The following THSD4 variants were observed in gnomAD, a reference collection of about 807,000 sequenced individuals.
The protein encoded by THSD4 is thrombospondin type 1 domain containing 4.
THSD4 carries 69 observed loss-of-function variants against 119.0 expected under a neutral mutation model. The observed-to-expected ratio is 0.58, with a 90% CI of 0.48 to 0.71. The LOEUF (loss-of-function observed/expected upper bound fraction) is 0.71, where lower values mean the gene tolerates loss of function less well. THSD4 is among the 30% of genes least tolerant of loss of function. The pLI is 0.00. For synonymous variants in THSD4, 524 were observed against 540.4 expected (o/e 0.97, Z 0.42); for missense variants, 1,393 against 1,391.1 (o/e 1.00, Z -0.02).
At chr15:71,552,828 T>C (rs1311960790) in intron 7 of THSD4, among the ~76,000 whole-genome samples, 2 of 152,152 alleles carry the variant, frequency 1.3e-5, no homozygotes, top group African/African-American at 4.8e-5. Flanking sequence ...GTATTTTTAG[T>C]AGAGATGGGG....
chr15:71,385,269 C>A (rs1003920328), intron 6 of THSD4, among the ~76,000 whole-genome samples: 6 of 152,324 alleles, frequency 3.9e-5, no homozygotes, highest in Non-Finnish European at 8.8e-5. Context: ...CCTCCAGTTA[C>A]AAACGAGAGC....
At chr15:71,174,809 T>G (rs529933172) in intron 3 of THSD4, among the ~76,000 whole-genome samples, 1 of 152,114 alleles carries the variant, frequency 6.6e-6, no homozygotes, top group African/African-American at 2.4e-5. Context: ...GCAGACTGCC[T>G]CCTCAAGTGG....
intron 1 of THSD4, among the ~76,000 whole-genome samples, chr15:71,135,805 G>C (rs1220185237): frequency 6.6e-6 from 1 of 151,880 alleles, no homozygotes; most frequent in Non-Finnish European, 1.5e-5. Flanking sequence ...TTATGGGGCA[G>C]CCTCCTCCCA....
intron 6 of THSD4, among the ~76,000 whole-genome samples, chr15:71,375,252 C>T (rs2046117018): frequency 6.6e-6 from 1 of 152,192 alleles, no homozygotes; most frequent in Non-Finnish European, 1.5e-5. Flanking sequence ...CATGTGGACA[C>T]ATATGTGTGC....
intron 6 of THSD4, among the ~76,000 whole-genome samples, chr15:71,293,846 G>A (rs188362277): frequency 1.3e-5 from 2 of 152,190 alleles, no homozygotes; most frequent in East Asian, 3.9e-4. Context: ...TGTTTAACTG[G>A]AAGTGGAAAG....
In THSD4 at chr15:71,489,583, C is replaced by A. The variant is rs142158902; in HGVS notation, c.1152+77760C>A. ...TTTTAGGGCTTTATGAAATCTGCTG[C>A]CTCTAGACTCTCCCCTACTCCGCTT... On this transcript the variant is annotated intron_variant, in intron 7 of 17. Coordinates refer to ENST00000261862, the MANE Select transcript of THSD4 (RefSeq NM_024817.3). Among the ~76,000 whole-genome samples, 280 of 152,220 alleles carry A rather than the reference C, an allele frequency of 1.8e-3. 2 individuals are homozygous for A. Among genetic ancestry groups the A allele is most frequent in the African/African-American group, 6.2e-3 (256 of 41,526 alleles).
chr15:71,378,735 A>G lies in THSD4; in HGVS notation c.1016-32952A>G, dbSNP rs77728959. On this transcript the variant is annotated intron_variant, in intron 6 of 17. Coordinates refer to ENST00000261862, the MANE Select transcript of THSD4 (RefSeq NM_024817.3). ...ATGGTTGAGAGTCACTGCTTAATAA[A>G]CCTAATTCTTTCTTCTAGGTATAAG... Among the ~76,000 whole-genome samples the G allele has an allele frequency of 8.9e-3, 1,359 of 152,228 alleles. 22 individuals carry two copies. Among genetic ancestry groups the G allele is most frequent in the African/African-American group, 0.031 (1,280 of 41,534 alleles).
intron 5 of THSD4, 110 bp from the exon 6 acceptor site, chr15:71,256,503 A>T: frequency 1.4e-6 from 1 of 706,864 alleles, no homozygotes; most frequent in Non-Finnish European, 2.0e-6. Context: ...TAAATAAAGA[A>T]TAAAAATAAA....
intron 7 of THSD4, among the ~76,000 whole-genome samples, chr15:71,518,550 G>GAT (rs2048393837): frequency 6.6e-6 from 1 of 152,140 alleles, no homozygotes; most frequent in Non-Finnish European, 1.5e-5. Flanking sequence ...TTATCCTCTG[G>GAT]ATAATAATAA....
intron 7 of THSD4, among the ~76,000 whole-genome samples, chr15:71,561,443 T>C (rs556185507): frequency 6.6e-6 from 1 of 152,328 alleles, no homozygotes; most frequent in South Asian, 2.1e-4. Context: ...ATTCTTTATA[T>C]AGACTAAGGG....
chr15:71,324,109 C>T (rs549060037), intron 6 of THSD4, among the ~76,000 whole-genome samples: 26 of 152,210 alleles, frequency 1.7e-4, no homozygotes, highest in Admixed American at 1.1e-3. Flanking sequence ...AATGTTAATA[C>T]CGCAGGTATA....
At chr15:71,317,339 A>G (rs990727330) in intron 6 of THSD4, among the ~76,000 whole-genome samples, 2 of 152,206 alleles carry the variant, frequency 1.3e-5, no homozygotes, top group African/African-American at 4.8e-5. Flanking sequence ...GGTAATTTGT[A>G]AAGAAAAAGA....
intron 12 of THSD4, among the ~76,000 whole-genome samples, chr15:71,746,107 T>G (rs1365243208): frequency 6.6e-6 from 1 of 152,206 alleles, no homozygotes; most frequent in Non-Finnish European, 1.5e-5. Flanking sequence ...ACAGAGCAGA[T>G]GACAGAGGAG....
At chr15:71,123,819 G>A (rs186959203) in intron 1 of THSD4, among the ~76,000 whole-genome samples, 117 of 152,298 alleles carry the variant, frequency 7.7e-4, no homozygotes, top group African/African-American at 2.7e-3. Flanking sequence ...TGAAGACCTC[G>A]CGGTATTCAG....
chr15:71,644,775 AC>A (rs758681967), intron 7 of THSD4, among the ~76,000 whole-genome samples: 4 of 152,156 alleles, frequency 2.6e-5, no homozygotes, highest in Non-Finnish European at 4.4e-5. Context: ...CAATCATGTC[AC>A]CATTACCAAC....
intron 7 of THSD4, among the ~76,000 whole-genome samples, chr15:71,438,197 T>A (rs939637199): frequency 6.6e-6 from 1 of 152,226 alleles, no homozygotes; most frequent in Admixed American, 6.5e-5. Context: ...CTTTTAATAA[T>A]CTTTGCACAT....
At chr15:71,124,068 A>G (rs1367583056) in intron 1 of THSD4, among the ~76,000 whole-genome samples, 1 of 151,974 alleles carries the variant, frequency 6.6e-6, no homozygotes, top group Non-Finnish European at 1.5e-5. Flanking sequence ...CACCATCATC[A>G]TCATCTCTGT....
chr15:71,619,663 T>C (rs1478321562), intron 7 of THSD4, among the ~76,000 whole-genome samples: 2 of 152,170 alleles, frequency 1.3e-5, no homozygotes, highest in Non-Finnish European at 1.5e-5. Flanking sequence ...GTGGCTCAAG[T>C]TTTCTCTTCT....
chr15:71,314,415 T>C (rs1420978508), intron 6 of THSD4, among the ~76,000 whole-genome samples: 2 of 152,132 alleles, frequency 1.3e-5, no homozygotes, highest in Non-Finnish European at 2.9e-5. Flanking sequence ...CAAGCGATTC[T>C]CCTGCCTCAG....
Sources: gnomAD v4.1 joint callset for allele counts (sites outside exome capture counted in the v4.1 genomes callset) on GRCh38, gnomAD v4.1.1 for gene constraint, MANE v1.5 for transcripts, NCBI Gene and HGNC (gene_info 2026-07-23, HGNC 2026-07-21) for gene names.